DAB2: variants seen among roughly 807,000 people sequenced by gnomAD.
DAB2 encodes the protein DAB adaptor protein 2, also known as disabled homolog 2.
A neutral mutation model predicts 71.6 loss-of-function variants in DAB2; 28 were observed. The observed-to-expected ratio is 0.39, with a 90% CI of 0.29 to 0.54. The LOEUF (loss-of-function observed/expected upper bound fraction) is 0.54, where lower values mean the gene tolerates loss of function less well. DAB2 is among the 20% of genes least tolerant of loss of function. The pLI is 0.68. For synonymous variants in DAB2, 345 were observed against 339.7 expected (o/e 1.02, Z -0.17); for missense variants, 867 against 928.8 (o/e 0.93, Z 0.86).
intron 1 of DAB2, among the ~76,000 whole-genome samples, chr5:39,416,111 A>G (rs1446905254): frequency 1.3e-5 from 2 of 151,400 alleles, no homozygotes; most frequent in African/African-American, 4.9e-5. Context: ...CCTCACCGCC[A>G]CCCTGAGTTC....
In DAB2 at chr5:39,381,440, C is replaced by T; in HGVS notation, c.1504+14G>A. 2 of 1,608,018 alleles carry T rather than the reference C, an allele frequency of 1.2e-6. No homozygotes were observed. Among genetic ancestry groups the T allele is most frequent in the East Asian group, 4.5e-5 (2 of 44,828 alleles). On this transcript the variant is annotated intron_variant, in intron 11 of 14. Transcript: ENST00000320816. ...GCAAAAGAGTCATACTTAATTTTAT[C>T]TCTAGGCACCTACCTAGACCCACCA...
intron 13 of DAB2, among the ~76,000 whole-genome samples, chr5:39,375,336 T>C (rs1754800202): frequency 1.3e-5 from 2 of 152,362 alleles, no homozygotes; most frequent in South Asian, 2.1e-4. Context: ...TTTCACAGGC[T>C]ATAGAAATAT....
Position 39,386,527 on chromosome 5 carries a change from CAG to C in DAB2, c.687+1776_687+1777del, listed in dbSNP as rs200155805. Among the ~76,000 whole-genome samples the C allele has an allele frequency of 3.3e-5, 5 of 152,136 alleles. No homozygotes were observed. The East Asian group carries it at 7.7e-4, about 23-fold the overall frequency. On this transcript the variant is annotated intron_variant, in intron 9 of 14. Coordinates refer to ENST00000320816, the MANE Select transcript of DAB2 (RefSeq NM_001343.4). ...GATCTGTTAGCCTTCTTTTGGTTATCAGAGAGTATATATTTTGATGGTATTTA... is the reference window on the plus strand; with the variant it reads ...GATCTGTTAGCCTTCTTTTGGTTATCAGAGTATATATTTTGATGGTATTTA...
chr5:39,405,033 A>C (rs770081740), intron 1 of DAB2, among the ~76,000 whole-genome samples: 1 of 152,236 alleles, frequency 6.6e-6, no homozygotes, highest in Non-Finnish European at 1.5e-5. Context: ...ACTGCACTAA[A>C]GTTGGAAAAA....
In DAB2 at chr5:39,376,660, G is replaced by A; in HGVS notation, c.2127C>T (p.Asn709=). The part of the protein sequence containing the change: ...HDDFDANQLL[N]KINEPPKPAP... Reference sequence around the variant, plus strand: ...TGGTGAGTGGCTTACCATTGATCTTGTTCAATAGTTGATTAGCATCAAAGT... The same window carrying A: ...TGGTGAGTGGCTTACCATTGATCTTATTCAATAGTTGATTAGCATCAAAGT... The change falls in exon 12 of 15, where the codon AAC becomes AAT. Residue 709 remains asparagine, a synonymous_variant. Transcript: ENST00000320816. 1 of 1,613,838 alleles carries A rather than the reference G, an allele frequency of 6.2e-7. No homozygotes were observed.
chr5:39,398,011 C>T (rs55902002), intron 1 of DAB2, among the ~76,000 whole-genome samples: 2,340 of 152,240 alleles, frequency 0.015, 65 homozygotes, highest in African/African-American at 0.053. Flanking sequence ...AGCAAGATGG[C>T]CCAGAACTGG....
In DAB2 at chr5:39,372,301, C is replaced by T. The variant is rs139618843; in HGVS notation, c.*1130G>A. The stretch of plus-strand genomic sequence containing the variant: ...ACAGCTTTTTCTCCCCTCTTATCTT[C>T]CTACTAACGACATTGAGATTGTGGC... On this transcript the variant is annotated 3_prime_UTR_variant, in exon 15 of 15. Transcript: ENST00000320816. 3 of 152,290 alleles carry T rather than the reference C, an allele frequency of 2.0e-5. No homozygotes were observed. The highest frequency in any genetic ancestry group is 7.2e-5 in the African/African-American group (3 of 41,558). 9.4% of individuals were successfully genotyped at this position (152,290 alleles called of 1,614,324 possible). A position where few individuals can be genotyped will look rare whatever the true frequency, so the allele number is the denominator to read the frequency against.
intron 13 of DAB2, 22 bp from the exon 14 acceptor site, chr5:39,375,106 G>A (rs1432658485): frequency 3.2e-6 from 5 of 1,549,426 alleles, no homozygotes; most frequent in Non-Finnish European, 4.4e-6. Context: ...AAATCATCTA[G>A]TCAATAAATA....
chr5:39,376,757 C>G lies in DAB2; in HGVS notation c.2030G>C (p.Gly677Ala), dbSNP rs1754840193. 2.5e-6 allele frequency: 4 copies of G among 1,613,974 alleles called. 1 individual carries two copies. The highest frequency in any genetic ancestry group is 3.3e-5 in the Admixed American group (2 of 59,992). The change falls in exon 12 of 15, where the codon GGG becomes GCG. Residue 677 changes from glycine to alanine, a missense_variant. Physicochemically the swap from Gly to Ala is moderately conservative, Grantham distance 60. Transcript: ENST00000320816. ...ATAACTGGCAAAGGCACTCAAAGTC[C>G]CAGAAGAAGTCTGCTCTCCCTTCCG... ...PARKGEQTSS[G>A]TLSAFASYFN...
In DAB2 at chr5:39,393,317, G is replaced by A; in HGVS notation, c.168C>T (p.Gly56=). The change falls in exon 3 of 15, where the codon GGC becomes GGT. Residue 56 remains glycine, a synonymous_variant. Transcript: ENST00000320816. ...CTCTTGCATCTGGCACATCATCAAT[G>A]CCAATCAGCTTGGCCTTATATTTTA... ...DGVKYKAKLI[G]IDDVPDARGD... is the part of the protein sequence containing the mutation. 1.9e-6 allele frequency: 3 copies of A among 1,613,930 alleles called. No individual in the cohort carries two copies. The highest frequency in any genetic ancestry group is 1.1e-5 in the South Asian group (1 of 91,078).
chr5:39,382,076 G>T (rs1754993131), intron 10 of DAB2, among the ~76,000 whole-genome samples: 1 of 152,250 alleles, frequency 6.6e-6, no homozygotes, highest in Non-Finnish European at 1.5e-5. Flanking sequence ...GACACCTATG[G>T]GAACTGCATT....
intron 2 of DAB2, 66 bp downstream of exon 2, chr5:39,394,164 C>T: frequency 1.5e-6 from 2 of 1,299,266 alleles, no homozygotes; most frequent in Non-Finnish European, 2.2e-6. Flanking sequence ...TATTCTGAAT[C>T]TCACATTTCT....
At chr5:39,404,323 A>T (rs1179449770) in intron 1 of DAB2, among the ~76,000 whole-genome samples, 1 of 151,704 alleles carries the variant, frequency 6.6e-6, no homozygotes, top group Non-Finnish European at 1.5e-5. Flanking sequence ...GCGGCACACC[A>T]ACATGGCACA....
chr5:39,383,443 C>T (rs1461249613), intron 9 of DAB2, among the ~76,000 whole-genome samples, 172 bp from the exon 10 acceptor site: 1 of 152,156 alleles, frequency 6.6e-6, no homozygotes, highest in Non-Finnish European at 1.5e-5. Flanking sequence ...TACTCCCTAG[C>T]TATAGACTAG....
chr5:39,395,329 G>A lies in DAB2; in HGVS notation c.-101-908C>T, dbSNP rs369670717. ...AAGCTATTCATTGTTTTGTAATCGT[G>A]TTAAGACAACCTGTGGGCTGGCACA... is the stretch of plus-strand genomic sequence containing the variant. On this transcript the variant is annotated intron_variant, in intron 1 of 14. Transcript: ENST00000320816. Among the ~76,000 whole-genome samples the A allele has an allele frequency of 7.9e-5, 12 of 152,276 alleles. No homozygotes were observed. The East Asian group carries it at 2.1e-3, about 27-fold the overall frequency.
At chr5:39,412,697 T>C (rs1755759273) in intron 1 of DAB2, among the ~76,000 whole-genome samples, 1 of 152,142 alleles carries the variant, frequency 6.6e-6, no homozygotes, top group Non-Finnish European at 1.5e-5. Flanking sequence ...ATGTTTATTG[T>C]ATACCAGATG....
intron 1 of DAB2, among the ~76,000 whole-genome samples, chr5:39,409,483 T>C (rs1322093608): frequency 6.6e-6 from 1 of 152,198 alleles, no homozygotes; most frequent in Non-Finnish European, 1.5e-5. Context: ...CACTTATTAA[T>C]ACAATAAAAC....
At chr5:39,420,484 T>C (rs34296930) in intron 1 of DAB2, among the ~76,000 whole-genome samples, 20 of 152,188 alleles carry the variant, frequency 1.3e-4, no homozygotes, top group Middle Eastern at 3.2e-3. Flanking sequence ...TCATACATTG[T>C]TTACCTTCAA....
chr5:39,404,530 A>C (rs186611624), intron 1 of DAB2, among the ~76,000 whole-genome samples: 120 of 149,964 alleles, frequency 8.0e-4, no homozygotes, highest in Non-Finnish European at 1.2e-3. Flanking sequence ...AACTTCAAAG[A>C]AGCTTTATGC....
Sources: allele counts gnomAD v4.1 joint callset (sites outside exome capture counted in the v4.1 genomes callset), GRCh38; gene constraint gnomAD v4.1.1; transcripts MANE v1.5; gene names NCBI Gene and HGNC (gene_info 2026-07-23, HGNC 2026-07-21).